The following TRMT61B variants were observed in gnomAD, a reference collection of about 807,000 sequenced individuals.
TRMT61B encodes tRNA methyltransferase 61B.
Under a neutral mutation model 52.0 loss-of-function variants are expected in TRMT61B, and 56 were observed. The ratio of observed to expected loss-of-function variants is 1.08; its 90% CI spans 0.87 to 1.35. The LOEUF is 1.35. TRMT61B is among the 40% of genes most tolerant of loss of function. The pLI is 0.00. For missense variants in TRMT61B, 650 were observed against 577.9 expected, an observed-to-expected ratio of 1.12 and a Z score of -1.28; for synonymous variants, 206 against 220.0, an observed-to-expected ratio of 0.94 and a Z score of 0.56.
Position 28,852,453 on chromosome 2 carries a change from T to TA in TRMT61B, c.1039dup (p.Tyr347LeufsTer5). On this transcript the variant is annotated frameshift_variant, in exon 4 of 7. Coordinates refer to ENST00000306108, the MANE Select transcript of TRMT61B (RefSeq NM_017910.4). LOFTEE classifies it high-confidence loss of function. ...TACACCACCATGCTTAAGATGTGGG[T>TA]AAAAAACAGGCAAAGTAACATGAGG... 6.2e-7 allele frequency: 1 copy of TA among 1,612,384 alleles called. No homozygotes were observed.
In TRMT61B at chr2:28,870,144, C is replaced by G. The variant is rs1670023070; in HGVS notation, c.134G>C (p.Arg45Thr). The change falls in exon 1 of 7, where the codon AGA becomes ACA. Residue 45 changes from arginine (R) to threonine (T), a missense_variant. Coordinates refer to ENST00000306108, the MANE Select transcript of TRMT61B (RefSeq NM_017910.4). The part of the protein sequence containing the change: ...ARSLCCRSSP[R>T]DLRDGEREHE... ...CTCTCTTTCTCCATCTCGCAGGTCT[C>G]TAGGCGAGGACCTGCAACACAGTGA... is the stretch of plus-strand genomic sequence containing the variant. 6.2e-7 allele frequency: 1 copy of G among 1,613,934 alleles called. No homozygotes were observed. Among genetic ancestry groups the G allele is most frequent in the African/African-American group, 1.3e-5 (1 of 74,950 alleles).
chr2:28,854,285 G>A (rs989464380), intron 3 of TRMT61B, among the ~76,000 whole-genome samples: 5 of 152,134 alleles, frequency 3.3e-5, no homozygotes, highest in African/African-American at 1.2e-4. Context: ...AAATAGGACA[G>A]AGGGTGGTGA....
chr2:28,858,846 A>G (rs752269198), intron 3 of TRMT61B, among the ~76,000 whole-genome samples: 2 of 149,006 alleles, frequency 1.3e-5, no homozygotes, highest in Non-Finnish European at 3.0e-5. Context: ...TTTCAGCAGG[A>G]GAATGACAGT....
intron 1 of TRMT61B, among the ~76,000 whole-genome samples, chr2:28,868,741 G>A (rs1475205978): frequency 1.3e-5 from 2 of 152,252 alleles, no homozygotes; most frequent in African/African-American, 4.8e-5. Context: ...AGGGCTGGGC[G>A]CGGTGGCTCC....
intron 3 of TRMT61B, among the ~76,000 whole-genome samples, chr2:28,860,397 A>C (rs1467155782): frequency 2.0e-5 from 3 of 151,522 alleles, no homozygotes; most frequent in Non-Finnish European, 2.9e-5. Context: ...AAAGACTCCT[A>C]ACCAAGGCCT....
chr2:28,851,429 G>C, intron 4 of TRMT61B, 131 bp from the exon 5 acceptor site: 1 of 582,010 alleles, frequency 1.7e-6, no homozygotes, highest in Non-Finnish European at 2.8e-6. Flanking sequence ...AAATATGCAA[G>C]TTAGGAGGCA....
intron 3 of TRMT61B, among the ~76,000 whole-genome samples, chr2:28,855,775 C>T (rs1669316343): frequency 6.6e-6 from 1 of 152,124 alleles, no homozygotes; most frequent in Admixed American, 6.6e-5. Flanking sequence ...TCGAGGCCAA[C>T]CTGGCCAACA....
intron 1 of TRMT61B, among the ~76,000 whole-genome samples, chr2:28,866,637 A>C (rs1669861468): frequency 1.3e-5 from 2 of 152,122 alleles, no homozygotes; most frequent in Admixed American, 6.5e-5. Context: ...ACACACTGGT[A>C]CCAGTCCTCA....
intron 1 of TRMT61B, among the ~76,000 whole-genome samples, chr2:28,868,548 C>T (rs1669947219): frequency 6.6e-6 from 1 of 152,212 alleles, no homozygotes; most frequent in Non-Finnish European, 1.5e-5. Context: ...CAGTTCAACA[C>T]TATACTTCCC....
At chr2:28,861,059 T>C (rs1233010822) in intron 3 of TRMT61B, 59 bp downstream of exon 3, 27 of 1,410,250 alleles carry the variant, frequency 1.9e-5, no homozygotes, top group Non-Finnish European at 2.4e-5. Context: ...AAAAGAAGCC[T>C]GACCCCTATC....
At chr2:28,860,023 G>A (rs1004277046) in intron 3 of TRMT61B, among the ~76,000 whole-genome samples, 2 of 152,010 alleles carry the variant, frequency 1.3e-5, no homozygotes, top group Non-Finnish European at 2.9e-5. Flanking sequence ...TGTAATCCCA[G>A]CACTTTGGGA....
chr2:28,866,793 T>A (rs1433095087), intron 1 of TRMT61B, among the ~76,000 whole-genome samples: 1 of 152,236 alleles, frequency 6.6e-6, no homozygotes, highest in Admixed American at 6.5e-5. Flanking sequence ...ACTGTTTTTT[T>A]AAATTTAGTA....
chr2:28,864,023 T>A (rs949067164), intron 2 of TRMT61B, among the ~76,000 whole-genome samples: 1 of 151,950 alleles, frequency 6.6e-6, no homozygotes, highest in Non-Finnish European at 1.5e-5. Flanking sequence ...CATGAAAAAA[T>A]ATATATGTTT....
At chr2:28,855,062 T>G (rs1669285149) in intron 3 of TRMT61B, among the ~76,000 whole-genome samples, 1 of 152,034 alleles carries the variant, frequency 6.6e-6, no homozygotes, top group Admixed American at 6.6e-5. Flanking sequence ...AGGGGAGAAG[T>G]GAGCTCCTGG....
chr2:28,870,264 C>CAT lies in TRMT61B; in HGVS notation c.12_13dup (p.Trp5TyrfsTer69). On this transcript the variant is annotated frameshift_variant, in exon 1 of 7. Coordinates refer to ENST00000306108, the MANE Select transcript of TRMT61B (RefSeq NM_017910.4). LOFTEE classifies it high-confidence loss of function. ...GCACAGCAAGACAGGACCGCGGCACCATGCCATTAGCATAGTGTTTCGCGA... is the reference window on the plus strand; with the variant it reads ...GCACAGCAAGACAGGACCGCGGCACCATATGCCATTAGCATAGTGTTTCGCGA... 1 of 1,591,788 alleles carries CAT rather than the reference C, an allele frequency of 6.3e-7. No homozygotes were observed. The highest frequency in any genetic ancestry group is 8.5e-7 in the Non-Finnish European group (1 of 1,171,264).
chr2:28,869,536 G>T, intron 1 of TRMT61B, 43 bp downstream of exon 1: 1 of 1,380,882 alleles, frequency 7.2e-7, no homozygotes, highest in Non-Finnish European at 1.0e-6. Flanking sequence ...ATCTGTCTTT[G>T]CCCCTCCTGA....
intron 1 of TRMT61B, 31 bp from the exon 2 acceptor site, chr2:28,865,150 C>A: frequency 7.7e-7 from 1 of 1,302,690 alleles, no homozygotes; most frequent in Non-Finnish European, 1.1e-6. Context: ...GGTGACTCAG[C>A]GACCAATAAA....
In TRMT61B at chr2:28,861,207, G is replaced by A; in HGVS notation, c.904C>T (p.His302Tyr). Reference protein sequence around the residue: ...KHWRDSWKLSHVEEWPDNVDF... With the variant: ...KHWRDSWKLSYVEEWPDNVDF... The stretch of plus-strand genomic sequence containing the variant: ...ACATTGTCTGGCCACTCTTCTACAT[G>A]ACTTAATTTCCATGAATCACGCCAG... Residue 302 changes from histidine to tyrosine, a missense_variant, in exon 3 of 7, where the codon CAT becomes TAT. Transcript: ENST00000306108. 6.2e-7 allele frequency: 1 copy of A among 1,613,738 alleles called. No individual in the cohort carries two copies. The highest frequency in any genetic ancestry group is 2.2e-5 in the East Asian group (1 of 44,854).
Position 28,869,745 on chromosome 2 carries a change from C to A in TRMT61B, c.533G>T (p.Gly178Val). ...FKKLFRLNNF[G>V]LLNSNWGAVP... ...TGCCCCCCAGTTACTATTTAAGAGTCCGAAGTTGTTCAACCTAAATAATTT... is the reference window on the plus strand; with the variant it reads ...TGCCCCCCAGTTACTATTTAAGAGTACGAAGTTGTTCAACCTAAATAATTT... Residue 178 changes from glycine to valine, a missense_variant, in exon 1 of 7, where the codon GGA becomes GTA. By Grantham distance (109) the Gly-to-Val change is moderately radical. Coordinates refer to ENST00000306108, the MANE Select transcript of TRMT61B (RefSeq NM_017910.4). 2 of 1,614,208 alleles carry A rather than the reference C, an allele frequency of 1.2e-6. No individual in the cohort carries two copies. Among genetic ancestry groups the A allele is most frequent in the South Asian group, 1.1e-5 (1 of 91,090 alleles).
Sources: allele counts gnomAD v4.1 joint callset (sites outside exome capture counted in the v4.1 genomes callset), GRCh38; gene constraint gnomAD v4.1.1; transcripts MANE v1.5; gene names NCBI Gene and HGNC (gene_info 2026-07-23, HGNC 2026-07-21).